The following CHN2 variants were observed in gnomAD, a reference collection of about 807,000 sequenced individuals.
CHN2 encodes the protein beta-chimaerin.
CHN2 carries 35 observed loss-of-function variants against 56.3 expected under a neutral mutation model. The observed-to-expected ratio is 0.62, with a 90% CI of 0.47 to 0.82. CHN2 has a LOEUF of 0.82. Ranked by LOEUF, CHN2 falls within the 40% of genes least tolerant of loss-of-function variation. The probability of loss-of-function intolerance (pLI) is 0.00; values close to 1 mark genes in which losing one functional copy is unlikely to be tolerated. For synonymous variants in CHN2, 210 were observed against 212.8 expected (o/e 0.99, Z 0.12); for missense variants, 491 against 580.5 (o/e 0.85, Z 1.58).
At chr7:29,328,331 G>A (rs923594869) in intron 1 of CHN2, among the ~76,000 whole-genome samples, 6 of 152,150 alleles carry the variant, frequency 3.9e-5, no homozygotes, top group Non-Finnish European at 7.3e-5. Context: ...TTTTACTCTA[G>A]TTCAAAGTCT....
chr7:29,283,595 G>A (rs967385947), intron 1 of CHN2, among the ~76,000 whole-genome samples: 5 of 152,096 alleles, frequency 3.3e-5, no homozygotes, highest in African/African-American at 9.7e-5. Context: ...AAATATGCAA[G>A]CTCTTTATAT....
At chr7:29,368,030 G>T (rs753388156) in intron 3 of CHN2, 43 bp downstream of exon 3, 1 of 1,542,336 alleles carries the variant, frequency 6.5e-7, no homozygotes, top group Admixed American at 1.8e-5. Flanking sequence ...TAAATATGAT[G>T]AATTGTCAGC....
At chr7:29,320,499 A>C (rs1373634290) in intron 1 of CHN2, among the ~76,000 whole-genome samples, 2 of 152,196 alleles carry the variant, frequency 1.3e-5, no homozygotes, top group Non-Finnish European at 2.9e-5. Context: ...ATTATAAAAA[A>C]TTCTCTTTAT....
chr7:29,314,508 G>A (rs1794819430), intron 1 of CHN2, among the ~76,000 whole-genome samples: 2 of 152,172 alleles, frequency 1.3e-5, no homozygotes, highest in Non-Finnish European at 2.9e-5. Context: ...ACACTTCAAA[G>A]TTAAGATGAT....
Position 29,495,360 on chromosome 7 carries a change from G to C in CHN2, c.655-592G>C, listed in dbSNP as rs866393395. On this transcript the variant is annotated intron_variant, in intron 7 of 12. Transcript: ENST00000222792. The stretch of plus-strand genomic sequence containing the variant: ...AGATTTTCAGCTTACTTACCTGAAG[G>C]CCACACCAAGTCCTACTGAATATGG... Among the ~76,000 whole-genome samples, 13 of 152,138 alleles carry C rather than the reference G, an allele frequency of 8.5e-5. 1 individual carries two copies. Among genetic ancestry groups the C allele is most frequent in the African/African-American group, 3.1e-4 (13 of 41,432 alleles).
At chr7:29,266,812 C>T (rs955956429) in intron 1 of CHN2, among the ~76,000 whole-genome samples, 9 of 152,152 alleles carry the variant, frequency 5.9e-5, no homozygotes, top group African/African-American at 1.9e-4. Flanking sequence ...GCCATCCCTT[C>T]GTATCCAAAC....
At chr7:29,512,517 ATCC>A (rs1462140838) in intron 12 of CHN2, 44 bp from the exon 13 acceptor site, 1 of 1,519,046 alleles carries the variant, frequency 6.6e-7, no homozygotes, top group African/African-American at 1.4e-5. Context: ...CATAAAATCA[ATCC>A]TCAAGTCTCC....
intron 1 of CHN2, among the ~76,000 whole-genome samples, chr7:29,280,571 G>A (rs1250405548): frequency 5.3e-5 from 8 of 152,022 alleles, no homozygotes; most frequent in Non-Finnish European, 1.0e-4. Context: ...GAGGATTACA[G>A]GTAAACAAAC....
At chr7:29,321,620 G>T (rs568712148) in intron 1 of CHN2, among the ~76,000 whole-genome samples, 1 of 148,246 alleles carries the variant, frequency 6.7e-6, no homozygotes, top group African/African-American at 2.5e-5. Context: ...GCCCAGGCTG[G>T]AGTGCAATGG....
At chr7:29,457,899 G>A (rs1784883920) in intron 6 of CHN2, among the ~76,000 whole-genome samples, 1 of 152,118 alleles carries the variant, frequency 6.6e-6, no homozygotes, top group Admixed American at 6.5e-5. Context: ...TGATTTTACT[G>A]CCATGCTTAC....
At chr7:29,197,128 TAG>T (rs1318340928) in intron 1 of CHN2, among the ~76,000 whole-genome samples, 5 of 152,200 alleles carry the variant, frequency 3.3e-5, no homozygotes, top group African/African-American at 9.7e-5. Context: ...GCAGAAAGAA[TAG>T]AGTCTATTTG....
chr7:29,322,357 T>TG (rs1795421117), intron 1 of CHN2, among the ~76,000 whole-genome samples: 1 of 152,194 alleles, frequency 6.6e-6, no homozygotes, highest in African/African-American at 2.4e-5. Context: ...CAATAGAGAT[T>TG]GGTAAAGAAC....
chr7:29,438,354 G>T (rs546313291), intron 6 of CHN2, among the ~76,000 whole-genome samples: 3 of 152,104 alleles, frequency 2.0e-5, no homozygotes, highest in East Asian at 1.9e-4. Flanking sequence ...TCAAAGGCTG[G>T]TTTTTTTTCT....
chr7:29,500,305 A>G (rs1001690922), intron 9 of CHN2, among the ~76,000 whole-genome samples: 1 of 152,186 alleles, frequency 6.6e-6, no homozygotes, highest in Non-Finnish European at 1.5e-5. Context: ...TTGAGGTAAT[A>G]AAGGTCACCA....
At chr7:29,338,960 T>G (rs190037309) in intron 1 of CHN2, among the ~76,000 whole-genome samples, 110 of 146,856 alleles carry the variant, frequency 7.5e-4, no homozygotes, top group African/African-American at 2.8e-3. Context: ...GGCTAAGATA[T>G]CTACATGATA....
At chr7:29,432,521 G>T (rs1670855512) in intron 6 of CHN2, among the ~76,000 whole-genome samples, 1 of 152,120 alleles carries the variant, frequency 6.6e-6, no homozygotes, top group African/African-American at 2.4e-5. Context: ...GCCAATTAAA[G>T]GATCCTAACT....
chr7:29,343,279 C>G (rs1056094152), intron 1 of CHN2, among the ~76,000 whole-genome samples: 3 of 152,148 alleles, frequency 2.0e-5, no homozygotes, highest in African/African-American at 7.2e-5. Flanking sequence ...TTTGTACCAG[C>G]AAGTAGGGAG....
intron 6 of CHN2, among the ~76,000 whole-genome samples, chr7:29,462,819 G>A (rs906819294): frequency 5.3e-5 from 8 of 151,816 alleles, no homozygotes; most frequent in African/African-American, 1.7e-4. Context: ...CAACGTGCAG[G>A]TTTGTTACAT....
Position 29,496,002 on chromosome 7 carries a change from G to T in CHN2, c.705G>T (p.Met235Ile), listed in dbSNP as rs761575540. The T allele has an allele frequency of 6.2e-7, 1 of 1,612,654 alleles. No individual in the cohort carries two copies. Among genetic ancestry groups the T allele is most frequent in the South Asian group, 1.1e-5 (1 of 90,760 alleles). ...PHWCEYCANF[M>I]WGLIAQGVRC... ...GGTGTGAATATTGTGCCAATTTCAT[G>T]TGGGGGCTCATCGCCCAAGGGGTCC... is the stretch of plus-strand genomic sequence containing the variant. Residue 235 changes from methionine to isoleucine, a missense_variant, in exon 8 of 13, where the codon ATG becomes ATT. By Grantham distance (10) the Met-to-Ile change is conservative. Transcript: ENST00000222792.
Sources: allele counts gnomAD v4.1 joint callset (sites outside exome capture counted in the v4.1 genomes callset), GRCh38; gene constraint gnomAD v4.1.1; transcripts MANE v1.5; gene names NCBI Gene and HGNC (gene_info 2026-07-23, HGNC 2026-07-21).